Variants in RELN observed in about 807,000 individuals in gnomAD.
The protein encoded by RELN is reelin.
Under a neutral mutation model 427.6 loss-of-function variants are expected in RELN, and 108 were observed. The ratio of observed to expected loss-of-function variants is 0.25; its 90% CI spans 0.22 to 0.30. RELN has a LOEUF of 0.30. RELN is among the 10% of genes least tolerant of loss of function. The probability of loss-of-function intolerance (pLI) is 1.00; values close to 1 mark genes in which losing one functional copy is unlikely to be tolerated. For synonymous variants in RELN, 1,524 were observed against 1,513.4 expected (o/e 1.01, Z -0.16); for missense variants, 3,715 against 4,302.8 (o/e 0.86, Z 3.82).
chr7:103,498,897 G>GTAT (rs1828930426), intron 53 of RELN, among the ~76,000 whole-genome samples: 1 of 152,142 alleles, frequency 6.6e-6, no homozygotes, highest in African/African-American at 2.4e-5. Flanking sequence ...TTATTGTAAT[G>GTAT]TATTATATTA....
intron 64 of RELN, among the ~76,000 whole-genome samples, chr7:103,474,359 A>G (rs1359529944): frequency 1.3e-5 from 2 of 152,208 alleles, no homozygotes; most frequent in East Asian, 1.9e-4. Context: ...TTTCAATAAT[A>G]TCAAAATGCT....
chr7:103,934,401 C>T (rs146051167), intron 1 of RELN, among the ~76,000 whole-genome samples: 238 of 152,266 alleles, frequency 1.6e-3, no homozygotes, highest in African/African-American at 5.6e-3. Context: ...ATTATTCTTA[C>T]AGCTTAAGCC....
At chr7:103,805,725 AC>A (rs1435097712) in intron 3 of RELN, among the ~76,000 whole-genome samples, 1 of 152,212 alleles carries the variant, frequency 6.6e-6, no homozygotes, top group African/African-American at 2.4e-5. Flanking sequence ...AAAATGTGCT[AC>A]AATTGGTCCC....
intron 1 of RELN, among the ~76,000 whole-genome samples, chr7:103,944,451 T>C (rs1353595129): frequency 1.3e-5 from 2 of 152,212 alleles, no homozygotes; most frequent in East Asian, 3.9e-4. Context: ...CCAAGTCCAG[T>C]TCAAGGAAGG....
chr7:103,808,440 A>G (rs1792654528), intron 3 of RELN, among the ~76,000 whole-genome samples: 1 of 152,066 alleles, frequency 6.6e-6, no homozygotes, highest in Non-Finnish European at 1.5e-5. Context: ...ACAAAACAAA[A>G]AAAACCTTTC....
At chr7:103,690,383 C>T (rs1298983575) in intron 10 of RELN, among the ~76,000 whole-genome samples, 2 of 152,044 alleles carry the variant, frequency 1.3e-5, no homozygotes, top group African/African-American at 4.8e-5. Flanking sequence ...AATCATTCCC[C>T]CACTACAGGG....
At chr7:103,848,022 A>T (rs1452991809) in intron 2 of RELN, among the ~76,000 whole-genome samples, 2 of 152,246 alleles carry the variant, frequency 1.3e-5, no homozygotes, top group Non-Finnish European at 2.9e-5. Flanking sequence ...ATATGGCAGC[A>T]GTCACAGGTT....
intron 25 of RELN, among the ~76,000 whole-genome samples, chr7:103,595,785 T>G (rs773054529): frequency 2.6e-5 from 4 of 152,010 alleles, no homozygotes; most frequent in Admixed American, 6.6e-5. Context: ...AATACTTATA[T>G]AAAATATAAA....
chr7:103,734,723 C>G (rs1488872211), intron 6 of RELN, among the ~76,000 whole-genome samples: 1 of 152,054 alleles, frequency 6.6e-6, no homozygotes, highest in Non-Finnish European at 1.5e-5. Flanking sequence ...GATTTCTTAT[C>G]CAATATTGTT....
chr7:103,933,263 T>C (rs532250709), intron 1 of RELN, among the ~76,000 whole-genome samples: 1 of 152,188 alleles, frequency 6.6e-6, no homozygotes, highest in South Asian at 2.1e-4. Flanking sequence ...GTTTTTGAGA[T>C]AATTATAATT....
chr7:103,572,546 T>A (rs909306815), intron 30 of RELN, among the ~76,000 whole-genome samples: 2 of 152,058 alleles, frequency 1.3e-5, no homozygotes, highest in African/African-American at 4.8e-5. Context: ...ATAATTTATT[T>A]TTTTTTTTGA....
At chr7:103,716,067 G>T (rs978847200) in intron 8 of RELN, among the ~76,000 whole-genome samples, 2 of 152,092 alleles carry the variant, frequency 1.3e-5, no homozygotes, top group African/African-American at 4.8e-5. Context: ...TCTGACCTTG[G>T]TCCCCAGTTC....
intron 1 of RELN, among the ~76,000 whole-genome samples, chr7:103,978,348 C>T (rs1428693571): frequency 2.6e-5 from 4 of 152,122 alleles, no homozygotes; most frequent in Non-Finnish European, 4.4e-5. Context: ...TGGCTCATTT[C>T]GCTTAATATA....
intron 4 of RELN, among the ~76,000 whole-genome samples, chr7:103,759,114 A>G (rs1381011533): frequency 1.3e-5 from 2 of 152,102 alleles, no homozygotes; most frequent in Non-Finnish European, 2.9e-5. Context: ...AAAAAAATAG[A>G]TTGCTTATAG....
rs373969392 is a variant in RELN at position 103,610,765 on chromosome 7, C to G, written c.2938G>C (p.Ala980Pro). 2.2e-5 allele frequency: 36 copies of G among 1,612,040 alleles called. No homozygotes were observed. The highest frequency in any genetic ancestry group is 2.9e-5 in the Non-Finnish European group (34 of 1,178,408). The change falls in exon 22 of 65, where the codon GCA (alanine) becomes CCA (proline). Residue 980 changes from alanine to proline, a missense_variant. Transcript: ENST00000428762. ...AACTCACTGGCATGGTAAATACTTG[C>G]TGATGTAAATTCCTGACAACTTGGC... ...SMPSCQEFTS[A>P]SIYHASEFTQ...
chr7:103,640,418 A>T lies in RELN; in HGVS notation c.2069+125T>A. On this transcript the variant is annotated intron_variant, in intron 17 of 64. Transcript: ENST00000428762. This position sits in a 1 kb window ranked among gnomAD's most constrained non-coding sequence, Gnocchi z 4.1. ...TGAATTACACTTAAGTTCTAATAGA[A>T]ATATCCAACTTTTTGTCTTAAAAAG... The T allele has an allele frequency of 1.1e-6, 1 of 892,072 alleles. No individual in the cohort carries two copies. Among genetic ancestry groups the T allele is most frequent in the Admixed American group, 2.0e-5 (1 of 50,992 alleles). The allele number at this position is 892,072 out of a possible 1,614,324, so 55.3% of individuals were successfully genotyped here. A position where few individuals can be genotyped will look rare whatever the true frequency, so the allele number is the denominator to read the frequency against.
At chr7:103,554,720 C>T (rs984088290) in intron 38 of RELN, among the ~76,000 whole-genome samples, 1 of 152,098 alleles carries the variant, frequency 6.6e-6, no homozygotes, top group Non-Finnish European at 1.5e-5. Context: ...AATAGCAGTG[C>T]TATGAACCCT....
chr7:103,782,693 CAT>C (rs1462454839), intron 3 of RELN, among the ~76,000 whole-genome samples: 329 of 152,170 alleles, frequency 2.2e-3, no homozygotes, highest in African/African-American at 7.7e-3. Flanking sequence ...CATGTATTGC[CAT>C]CTAGTTTACA....
chr7:103,724,172 CT>C (rs35191248), intron 7 of RELN, among the ~76,000 whole-genome samples: 38,996 of 149,150 alleles, frequency 0.26, 5,156 homozygotes, highest in South Asian at 0.38. Context: ...ACTTTTGCTG[CT>C]TTTTTTTTTC....
Sources: allele counts gnomAD v4.1 joint callset (sites outside exome capture counted in the v4.1 genomes callset), GRCh38; gene constraint gnomAD v4.1.1; non-coding constraint Gnocchi (gnomAD v3.1); transcripts MANE v1.5; gene names NCBI Gene and HGNC (gene_info 2026-07-23, HGNC 2026-07-21).